The following CDC42SE2 variants were observed in gnomAD, a reference collection of about 807,000 sequenced individuals.
CDC42SE2 encodes CDC42 small effector protein 2.
Under a neutral mutation model 11.5 loss-of-function variants are expected in CDC42SE2, and 3 were observed. The observed-to-expected ratio is 0.26, with a 90% CI of 0.12 to 0.67. The LOEUF (loss-of-function observed/expected upper bound fraction) is 0.67. Ranked by LOEUF, CDC42SE2 falls within the 30% of genes least tolerant of loss-of-function variation. The pLI, the probability that CDC42SE2 is intolerant of heterozygous loss-of-function variation, is 0.80. For synonymous variants in CDC42SE2, 33 were observed against 34.8 expected (o/e 0.95, Z 0.18); for missense variants, 82 against 106.8 (o/e 0.77, Z 1.02).
intron 3 of CDC42SE2, among the ~76,000 whole-genome samples, chr5:131,370,482 CT>C (rs1335026066): frequency 2.6e-3 from 367 of 142,494 alleles, no homozygotes; most frequent in Middle Eastern, 7.2e-3. Context: ...TTTATTTTAC[CT>C]TTTTTTTTTT....
the CDC42SE2 span, among the ~76,000 whole-genome samples, chr5:131,225,062 T>TA: frequency 3.3e-5 from 5 of 151,782 alleles, no homozygotes; most frequent in African/African-American, 1.2e-4. Flanking sequence ...AACAGTGGCT[T>TA]AGGTGGAGCC....
chr5:131,280,515 A>T (rs992721284), intron 1 of CDC42SE2, among the ~76,000 whole-genome samples: 6 of 152,202 alleles, frequency 3.9e-5, no homozygotes, highest in African/African-American at 2.4e-5. Flanking sequence ...GCTGTAGGTA[A>T]AGTTGTGATT....
At chr5:131,330,412 T>A (rs1201352736) in intron 2 of CDC42SE2, among the ~76,000 whole-genome samples, 1 of 152,194 alleles carries the variant, frequency 6.6e-6, no homozygotes, top group Non-Finnish European at 1.5e-5. Context: ...ATTGTTGCTT[T>A]TAGGAGAATG....
chr5:131,285,006 G>T (rs902403653), intron 1 of CDC42SE2, among the ~76,000 whole-genome samples: 1 of 151,776 alleles, frequency 6.6e-6, no homozygotes, highest in South Asian at 2.1e-4. Flanking sequence ...ACAAAACCCA[G>T]ACCAGGCACA....
chr5:131,230,200 C>G, the CDC42SE2 span, among the ~76,000 whole-genome samples: 1 of 152,036 alleles, frequency 6.6e-6, no homozygotes, highest in African/African-American at 2.4e-5. Context: ...TTGGGCTTGT[C>G]CTATTGCTGA....
At chr5:131,298,016 G>A (rs1175163465) in intron 1 of CDC42SE2, among the ~76,000 whole-genome samples, 2 of 151,990 alleles carry the variant, frequency 1.3e-5, no homozygotes, top group Non-Finnish European at 2.9e-5. Context: ...TTGTAAAATA[G>A]GCAGTTAAAT....
At chr5:131,295,147 G>C (rs1404775670) in intron 1 of CDC42SE2, among the ~76,000 whole-genome samples, 1 of 151,510 alleles carries the variant, frequency 6.6e-6, no homozygotes, top group Non-Finnish European at 1.5e-5. Flanking sequence ...AATAGGCATG[G>C]AGGTGGGCAC....
chr5:131,297,364 C>T (rs570364516), intron 1 of CDC42SE2, among the ~76,000 whole-genome samples: 1 of 151,916 alleles, frequency 6.6e-6, no homozygotes, highest in South Asian at 2.1e-4. Context: ...CTCATCTTTC[C>T]CTCTTTCTCA....
At chr5:131,387,279 T>C (rs1285488512) in intron 4 of CDC42SE2, among the ~76,000 whole-genome samples, 1 of 152,202 alleles carries the variant, frequency 6.6e-6, no homozygotes, top group Admixed American at 6.5e-5. Context: ...CCAGGCACGG[T>C]GGCTCACGCC....
chr5:131,350,608 TG>T (rs1198961823), intron 2 of CDC42SE2, among the ~76,000 whole-genome samples: 2 of 90,262 alleles, frequency 2.2e-5, no homozygotes, highest in Admixed American at 1.1e-4. Context: ...AAATTTATTT[TG>T]TGTGTGTGTG....
chr5:131,360,669 TA>T (rs1749681094), intron 3 of CDC42SE2, among the ~76,000 whole-genome samples: 1 of 152,236 alleles, frequency 6.6e-6, no homozygotes, highest in African/African-American at 2.4e-5. Context: ...TTGGAGAGTG[TA>T]GGTATACATG....
intron 2 of CDC42SE2, among the ~76,000 whole-genome samples, chr5:131,353,696 A>C (rs1393101271): frequency 6.6e-6 from 1 of 152,134 alleles, no homozygotes. Flanking sequence ...ACTTGAGGTC[A>C]GGCGTTTGAG....
Position 131,331,035 on chromosome 5 carries a change from A to G in CDC42SE2, c.-286+14891A>G, listed in dbSNP as rs114619265. ...AGCGAGACCCTCTCTCAAAAAAAATAAAATTATCTAAATGAAAATGTCAGT... is the reference window on the plus strand; with the variant it reads ...AGCGAGACCCTCTCTCAAAAAAAATGAAATTATCTAAATGAAAATGTCAGT... On this transcript the variant is annotated intron_variant, in intron 2 of 4. Coordinates refer to ENST00000505065, the MANE Select transcript of CDC42SE2 (RefSeq NM_001375635.1). Among the ~76,000 whole-genome samples, 1,144 of 152,188 alleles carry G rather than the reference A, an allele frequency of 7.5e-3. 16 individuals carry two copies. The highest frequency in any genetic ancestry group is 0.026 in the African/African-American group (1,090 of 41,526).
chr5:131,266,260 C>T (rs1756859288), intron 1 of CDC42SE2, among the ~76,000 whole-genome samples: 6 of 151,992 alleles, frequency 3.9e-5, no homozygotes, highest in Admixed American at 3.9e-4. Flanking sequence ...TTCAGGAATC[C>T]AGACTAATGT....
intron 2 of CDC42SE2, among the ~76,000 whole-genome samples, chr5:131,344,507 C>T (rs1016707736): frequency 6.6e-6 from 1 of 152,190 alleles, no homozygotes; most frequent in East Asian, 1.9e-4. Flanking sequence ...CCAGGAAGCT[C>T]GAACTGGGTG....
At chr5:131,245,668 A>T (rs191364377) in intron 1 of CDC42SE2, 32 of 152,342 alleles carry the variant, frequency 2.1e-4, no homozygotes, top group African/African-American at 7.7e-4. Flanking sequence ...AATCACCTGG[A>T]GAGCTTCTTT....
upstream of CDC42SE2, among the ~76,000 whole-genome samples, chr5:131,240,949 GTTTTGTTTTTGTTTTTGT>G (rs71000979): frequency 2.2e-4 from 33 of 149,242 alleles, no homozygotes; most frequent in South Asian, 1.3e-3. Flanking sequence ...GGTTTTATGG[GTTTTGTTTTTGTTTTTGT>G]TTTTGTTTTT....
intron 3 of CDC42SE2, among the ~76,000 whole-genome samples, chr5:131,384,639 ACT>A (rs1257754354): frequency 1.3e-5 from 2 of 152,072 alleles, no homozygotes; most frequent in Non-Finnish European, 2.9e-5. Flanking sequence ...TATCTGGAAA[ACT>A]CTTAGATAAT....
chr5:131,244,331 A>C (rs1421338056), upstream of CDC42SE2, among the ~76,000 whole-genome samples: 3 of 152,262 alleles, frequency 2.0e-5, no homozygotes, highest in Non-Finnish European at 4.4e-5. Flanking sequence ...GATTTGAACA[A>C]TATGGTTAGC....
Sources: allele counts gnomAD v4.1 joint callset (sites outside exome capture counted in the v4.1 genomes callset), GRCh38; gene constraint gnomAD v4.1.1; transcripts MANE v1.5; gene names NCBI Gene and HGNC (gene_info 2026-07-23, HGNC 2026-07-21).